The following MKX variants were observed in gnomAD, a reference collection of about 807,000 sequenced individuals.
MKX encodes homeobox protein Mohawk.
In MKX, 13 loss-of-function variants were observed where a neutral mutation model predicts 36.0. That is an observed-to-expected ratio of 0.36 (90% CI 0.24 to 0.57). MKX has a LOEUF of 0.57. Among genes scored for constraint, MKX ranks in the 20% least tolerant of loss-of-function variants. The pLI is 0.79. For synonymous variants in MKX, 176 were observed against 178.3 expected (o/e 0.99, Z 0.10); for missense variants, 458 against 456.4 (o/e 1.00, Z -0.03).
chr10:27,742,832 T>C lies in MKX; in HGVS notation c.188+396A>G, dbSNP rs1379183268. On this transcript the variant is annotated intron_variant, in intron 2 of 6. Coordinates refer to ENST00000419761, the MANE Select transcript of MKX (RefSeq NM_173576.3). The surrounding 1 kb of genome is among the most constrained non-coding windows in gnomAD (Gnocchi z 4.2). ...AAGAGAAGTCCGCGGAGCCTGAGCC[T>C]GGACTCCCCGACTGCTCGGCTTCGC... is the stretch of plus-strand genomic sequence containing the variant. Among the ~76,000 whole-genome samples, 1 of 152,078 alleles carries C rather than the reference T, an allele frequency of 6.6e-6. No homozygotes were observed. Among genetic ancestry groups the C allele is most frequent in the Non-Finnish European group, 1.5e-5 (1 of 67,974 alleles).
intron 5 of MKX, among the ~76,000 whole-genome samples, chr10:27,681,145 G>C (rs1836247042): frequency 6.6e-6 from 1 of 152,286 alleles, no homozygotes; most frequent in Admixed American, 6.5e-5. Flanking sequence ...TGGTGATGCT[G>C]GTGTAAAGAA....
chr10:27,743,477 CTCCGCAGCGGGGCT>C lies in MKX; in HGVS notation c.-76_-63del. On this transcript the variant is annotated 5_prime_UTR_variant, in exon 2 of 7. Coordinates refer to ENST00000419761, the MANE Select transcript of MKX (RefSeq NM_173576.3). ...AGCCTCGGGGCTGGGCCGCCGGGAG[CTCCGCAGCGGGGCT>C]CGGCTTCTAGGAGAGGAAGGTGCAT... 6.9e-7 allele frequency: 1 copy of C among 1,451,366 alleles called. No homozygotes were observed. Among genetic ancestry groups the C allele is most frequent in the Non-Finnish European group, 9.1e-7 (1 of 1,103,224 alleles). 89.9% of individuals were successfully genotyped at this position (1,451,366 alleles called of 1,614,324 possible). A position where few individuals can be genotyped will look rare whatever the true frequency, so the allele number is the denominator to read the frequency against.
intron 5 of MKX, among the ~76,000 whole-genome samples, chr10:27,720,718 A>G (rs1172328293): frequency 7.9e-5 from 12 of 152,152 alleles, no homozygotes; most frequent in Non-Finnish European, 1.6e-4. Context: ...TATGAGACAA[A>G]TTCTCATTAA....
intron 5 of MKX, among the ~76,000 whole-genome samples, chr10:27,722,445 A>T (rs986461089): frequency 2.0e-5 from 3 of 152,198 alleles, no homozygotes; most frequent in African/African-American, 7.2e-5. Flanking sequence ...GCTGTCAGAG[A>T]TGTAAGGTAC....
rs773255840 is a variant in MKX at position 27,675,295 on chromosome 10, G to A, written c.993C>T (p.Ile331=). The change falls in exon 7 of 7, where the codon ATC becomes ATT. Residue 331 remains isoleucine (I), a synonymous_variant. Transcript: ENST00000419761. ...KDKLQGTTSC[I]IQKSSHIAEV... is the part of the protein sequence containing the mutation. ...CTGCTATATGGGACGACTTCTGGAT[G>A]ATGCAGCTGGTAGTTCCCTGCAGTT... 1.2e-6 allele frequency: 2 copies of A among 1,614,186 alleles called. No homozygotes were observed. The highest frequency in any genetic ancestry group is 1.7e-6 in the Non-Finnish European group (2 of 1,180,020).
Position 27,741,589 on chromosome 10 carries a change from C to G in MKX, c.189-85G>C, listed in dbSNP as rs1589700580. ...CCACGCCCCGGCCAAGCCCGGGCCC[C>G]GCATCCAAACTGCGCATTCCTGCCT... is the stretch of plus-strand genomic sequence containing the variant. On this transcript the variant is annotated intron_variant, in intron 2 of 6. Transcript: ENST00000419761. This position sits in a 1 kb window ranked among gnomAD's most constrained non-coding sequence, Gnocchi z 5.1. 2.8e-6 allele frequency: 4 copies of G among 1,436,046 alleles called. No individual in the cohort carries two copies. Among genetic ancestry groups the G allele is most frequent in the Middle Eastern group, 2.5e-4 (1 of 4,026 alleles). The allele number at this position is 1,436,046 out of a possible 1,614,324, so 89.0% of individuals were successfully genotyped here.
At chr10:27,733,403 A>G (rs1834677323) in intron 5 of MKX, among the ~76,000 whole-genome samples, 2 of 152,228 alleles carry the variant, frequency 1.3e-5, no homozygotes, top group South Asian at 4.1e-4. Flanking sequence ...TAAAATGTGT[A>G]TAGTTTATAT....
intron 5 of MKX, among the ~76,000 whole-genome samples, chr10:27,678,181 A>G (rs1461506041): frequency 6.6e-6 from 1 of 152,142 alleles, no homozygotes; most frequent in Non-Finnish European, 1.5e-5. Context: ...CTATTCTCCT[A>G]TCTGTAAATC....
At chr10:27,735,898 G>A (rs1418156315) in intron 3 of MKX, among the ~76,000 whole-genome samples, 1 of 152,174 alleles carries the variant, frequency 6.6e-6, no homozygotes, top group African/African-American at 2.4e-5. Flanking sequence ...GGTTGAAGAA[G>A]AGGGAAGAGT....
rs1834935353 is a variant in MKX, at chr10:27,742,777, CGGGGCTCTGGCGA to C, written c.188+438_188+450del. On this transcript the variant is annotated intron_variant, in intron 2 of 6. Coordinates refer to ENST00000419761, the MANE Select transcript of MKX (RefSeq NM_173576.3). This position sits in a 1 kb window ranked among gnomAD's most constrained non-coding sequence, Gnocchi z 4.2. ...CCGACTCCTTGGGCCAGGCGAGCCGCGGGGCTCTGGCGAGGGGCTCGAGTGACCGAAGAGAAGT... is the reference window on the plus strand; with the variant it reads ...CCGACTCCTTGGGCCAGGCGAGCCGCGGGGCTCGAGTGACCGAAGAGAAGT... Among the ~76,000 whole-genome samples, 1 of 152,058 alleles carries C rather than the reference CGGGGCTCTGGCGA, an allele frequency of 6.6e-6. No homozygotes were observed. Among genetic ancestry groups the C allele is most frequent in the African/African-American group, 2.4e-5 (1 of 41,452 alleles).
intron 5 of MKX, among the ~76,000 whole-genome samples, chr10:27,732,128 T>G (rs1589692426): frequency 6.6e-6 from 1 of 152,198 alleles, no homozygotes; most frequent in African/African-American, 2.4e-5. Context: ...TAAAGAAAGA[T>G]CTTGACTTTT....
At chr10:27,716,713 A>T (rs1269792215) in intron 5 of MKX, among the ~76,000 whole-genome samples, 2 of 152,200 alleles carry the variant, frequency 1.3e-5, no homozygotes, top group Non-Finnish European at 2.9e-5. Context: ...CACACTCATC[A>T]TAATGTTAAT....
chr10:27,724,532 T>G (rs964586492), intron 5 of MKX, among the ~76,000 whole-genome samples: 4 of 152,080 alleles, frequency 2.6e-5, no homozygotes, highest in Non-Finnish European at 4.4e-5. Flanking sequence ...TCCAAACTGT[T>G]AAAATTAGAG....
At chr10:27,691,017 A>G (rs1171788896) in intron 5 of MKX, among the ~76,000 whole-genome samples, 1 of 152,080 alleles carries the variant, frequency 6.6e-6, no homozygotes, top group Admixed American at 6.5e-5. Flanking sequence ...CCTTGTGAAG[A>G]AGGTGCCTGC....
At chr10:27,736,136 AG>A in intron 3 of MKX, among the ~76,000 whole-genome samples, 1 of 152,182 alleles carries the variant, frequency 6.6e-6, no homozygotes, top group Non-Finnish European at 1.5e-5. Context: ...TAATAGTCAA[AG>A]TTGCAAGAGT....
chr10:27,707,808 T>C lies in MKX; in HGVS notation c.838+26648A>G, dbSNP rs576986618. ...CTGAAATGTTCCTCTAGCTAATCCA[T>C]TTGTGTTTTTAAGGGAATTTTATTT... On this transcript the variant is annotated intron_variant, in intron 5 of 6. Coordinates refer to ENST00000419761, the MANE Select transcript of MKX (RefSeq NM_173576.3). Among the ~76,000 whole-genome samples the C allele has an allele frequency of 6.0e-4, 91 of 152,358 alleles. 1 individual carries two copies. Among genetic ancestry groups the C allele is most frequent in the African/African-American group, 2.2e-3 (90 of 41,590 alleles).
At chr10:27,718,674 C>T (rs1389967601) in intron 5 of MKX, 4 of 314,762 alleles carry the variant, frequency 1.3e-5, no homozygotes, top group Non-Finnish European at 1.3e-5. Flanking sequence ...CACTTGGACT[C>T]CAGTCACATT....
chr10:27,733,061 A>G (rs1355631140), intron 5 of MKX, among the ~76,000 whole-genome samples: 2 of 151,926 alleles, frequency 1.3e-5, no homozygotes, highest in Non-Finnish European at 2.9e-5. Context: ...CATTTTCATT[A>G]TTGGCCAAAT....
chr10:27,743,263 G>C lies in MKX; in HGVS notation c.153C>G (p.Leu51=), dbSNP rs372171930. ...PEVGIPDGPP[L]KDNLGLRHRR... ...GGTGTCTCAGGCCGAGGTTGTCCTT[G>C]AGGGGCGGGCCGTCGGGAATGCCCA... Residue 51 remains leucine (L), a synonymous_variant, in exon 2 of 7, where the codon CTC becomes CTG. Transcript: ENST00000419761. 51 of 1,544,534 alleles carry C rather than the reference G, an allele frequency of 3.3e-5. No individual in the cohort carries two copies. Among genetic ancestry groups the C allele is most frequent in the Non-Finnish European group, 4.1e-5 (47 of 1,150,970 alleles).
Sources: gnomAD v4.1 joint callset for allele counts (sites outside exome capture counted in the v4.1 genomes callset) on GRCh38, gnomAD v4.1.1 for gene constraint, Gnocchi (gnomAD v3.1) non-coding constraint, MANE v1.5 for transcripts, NCBI Gene and HGNC (gene_info 2026-07-23, HGNC 2026-07-21) for gene names.